AFF2: variants seen among roughly 807,000 people sequenced by gnomAD.
The protein encoded by AFF2 is AF4/FMR2 family member 2.
AFF2 carries 14 observed loss-of-function variants against 76.9 expected under a neutral mutation model. The observed-to-expected ratio is 0.18, with a 90% CI of 0.12 to 0.28. The LOEUF (loss-of-function observed/expected upper bound fraction) is 0.28. Among genes scored for constraint, AFF2 ranks in the 10% least tolerant of loss-of-function variants. The pLI is 1.00. For missense variants in AFF2, 868 were observed against 1,001.1 expected (o/e 0.87, Z 1.79); for synonymous variants, 398 against 366.7 (o/e 1.09, Z -0.98).
chrX:148,725,172 C>T (rs184883391), intron 3 of AFF2, among the ~76,000 whole-genome samples: 24 of 110,962 alleles, frequency 2.2e-4, no homozygotes, highest in African/African-American at 5.6e-4. Flanking sequence ...GAGAACCCTT[C>T]GGAGGCAGTG....
chrX:148,652,679 G>C (rs1335334457), intron 2 of AFF2, among the ~76,000 whole-genome samples: 1 of 111,667 alleles, frequency 9.0e-6, no homozygotes, highest in Non-Finnish European at 1.9e-5. Context: ...CTCAACCAGA[G>C]GGGGGTAGTA....
At chrX:148,527,749 G>A (rs1375423328) in intron 1 of AFF2, among the ~76,000 whole-genome samples, 3 of 111,254 alleles carry the variant, frequency 2.7e-5, no homozygotes, top group African/African-American at 9.8e-5. Context: ...ATGTTCCCCC[G>A]CCACCTCATC....
At chrX:148,917,698 G>C (rs1291471905) in intron 9 of AFF2, among the ~76,000 whole-genome samples, 1 of 112,435 alleles carries the variant, frequency 8.9e-6, no homozygotes, top group African/African-American at 3.2e-5. Context: ...AGCAAGGCTT[G>C]ACTCACTGTC....
At chrX:148,569,868 A>G (rs1228486668) in intron 1 of AFF2, among the ~76,000 whole-genome samples, 1 of 111,911 alleles carries the variant, frequency 8.9e-6, no homozygotes, top group Admixed American at 9.6e-5. Context: ...CATTTGTTTC[A>G]GTGATTTTTT....
intron 9 of AFF2, among the ~76,000 whole-genome samples, chrX:148,911,648 C>T (rs1286799233): frequency 1.8e-5 from 2 of 112,237 alleles, no homozygotes; most frequent in Non-Finnish European, 3.8e-5. Context: ...ATATCTTTGT[C>T]TGGCAGGGCA....
At chrX:148,564,075 G>GA (rs781979097) in intron 1 of AFF2, among the ~76,000 whole-genome samples, 199 of 111,733 alleles carry the variant, frequency 1.8e-3, no homozygotes, top group Admixed American at 5.5e-3. Context: ...ATCCTGAAGG[G>GA]AAAAAATATG....
chrX:148,676,683 T>A (rs1361822570), intron 3 of AFF2, among the ~76,000 whole-genome samples: 1 of 111,882 alleles, frequency 8.9e-6, no homozygotes, highest in African/African-American at 3.3e-5. Flanking sequence ...TGAGGCTAGC[T>A]CTTGGAGTAT....
intron 3 of AFF2, among the ~76,000 whole-genome samples, chrX:148,773,746 G>GAAAGAA (rs782497527): frequency 7.2e-5 from 5 of 69,182 alleles, no homozygotes; most frequent in East Asian, 6.1e-4. Flanking sequence ...AAGAAAGAAA[G>GAAAGAA]AGAAAGAAAG....
intron 1 of AFF2, among the ~76,000 whole-genome samples, chrX:148,569,453 ACAAAG>A (rs782179739): frequency 1.6e-4 from 18 of 111,538 alleles, no homozygotes; most frequent in African/African-American, 2.3e-4. Context: ...AAAAAACAAA[ACAAAG>A]CAAAACAAAC....
chrX:148,843,113 A>C (rs1027047280), intron 6 of AFF2, 111 bp downstream of exon 6: 1 of 624,618 alleles, frequency 1.6e-6, no homozygotes, highest in South Asian at 3.6e-5. Context: ...AACAATAACA[A>C]AAAGTTATTT....
At chrX:148,740,570 G>A (rs1203778084) in intron 3 of AFF2, among the ~76,000 whole-genome samples, 1 of 111,417 alleles carries the variant, frequency 9.0e-6, no homozygotes, top group African/African-American at 3.3e-5. Context: ...ATCATTTTTT[G>A]GATTTCCTTT....
Position 148,619,558 on chromosome X carries a change from G to A in AFF2, c.48-32441G>A, listed in dbSNP as rs2124416133. 3.6e-5 allele frequency among the ~76,000 whole-genome samples: 4 copies of A among 112,016 alleles called. 1 individual carries two copies. In the Middle Eastern group the frequency reaches 0.014, roughly 387 times the overall value. ...TCCTGTTATTAATCTTCCAAAAGTT[G>A]GTAAGATGTCCAGAAGATGAGAGAT... On this transcript the variant is annotated intron_variant, in intron 1 of 20. Transcript: ENST00000370460.
chrX:148,793,714 G>A (rs781964011), intron 3 of AFF2, among the ~76,000 whole-genome samples: 4 of 112,066 alleles, frequency 3.6e-5, no homozygotes, highest in Non-Finnish European at 7.5e-5. Flanking sequence ...TGATCAGATG[G>A]TTTAAGGTTA....
chrX:148,834,674 G>A (rs1436677447), intron 4 of AFF2, among the ~76,000 whole-genome samples: 2 of 111,192 alleles, frequency 1.8e-5, no homozygotes, highest in Non-Finnish European at 3.8e-5. Context: ...CTGATGACTG[G>A]GTGAAGGATT....
chrX:148,910,560 AG>A (rs1557281877), intron 9 of AFF2, among the ~76,000 whole-genome samples: 1 of 112,578 alleles, frequency 8.9e-6, no homozygotes, highest in Non-Finnish European at 1.9e-5. Context: ...ACACTGTCAA[AG>A]ATGGAAGGGA....
At chrX:148,827,636 A>G (rs2070404091) in intron 4 of AFF2, among the ~76,000 whole-genome samples, 1 of 112,000 alleles carries the variant, frequency 8.9e-6, no homozygotes, top group South Asian at 3.7e-4. Flanking sequence ...CAAATTGTGC[A>G]TTATTCTCTA....
intron 3 of AFF2, among the ~76,000 whole-genome samples, chrX:148,713,348 T>G (rs782407283): frequency 9.0e-6 from 1 of 111,380 alleles, no homozygotes; most frequent in East Asian, 2.8e-4. Context: ...CATGGCACTT[T>G]GGTGGTTATA....
chrX:148,831,099 G>A (rs1189825974), intron 4 of AFF2, among the ~76,000 whole-genome samples: 1 of 112,239 alleles, frequency 8.9e-6, no homozygotes, highest in African/African-American at 3.2e-5. Context: ...CCGGCCCACA[G>A]GTGGCCAGAC....
chrX:148,910,193 G>T (rs1173042709), intron 9 of AFF2, among the ~76,000 whole-genome samples: 1 of 112,619 alleles, frequency 8.9e-6, no homozygotes, highest in Non-Finnish European at 1.9e-5. Context: ...AATCCACTCT[G>T]CGTAGGAAAT....
Sources: gnomAD v4.1 joint callset for allele counts (sites outside exome capture counted in the v4.1 genomes callset) on GRCh38, gnomAD v4.1.1 for gene constraint, MANE v1.5 for transcripts, NCBI Gene and HGNC (gene_info 2026-07-23, HGNC 2026-07-21) for gene names.